LHFPL3: variants seen among roughly 807,000 people sequenced by gnomAD.
LHFPL3 encodes LHFPL tetraspan subfamily member 3.
In LHFPL3, 5 loss-of-function variants were observed where a neutral mutation model predicts 19.3. The ratio of observed to expected loss-of-function variants is 0.26; its 90% CI spans 0.14 to 0.54. The LOEUF is 0.54. LHFPL3 is among the 20% of genes least tolerant of loss of function. LHFPL3 has a pLI of 0.94. For synonymous variants in LHFPL3, 133 were observed against 126.2 expected, an observed-to-expected ratio of 1.05 and a Z score of -0.36; for missense variants, 249 against 307.4, an observed-to-expected ratio of 0.81 and a Z score of 1.42.
intron 2 of LHFPL3, among the ~76,000 whole-genome samples, chr7:104,847,494 G>A (rs1172601038): frequency 6.6e-6 from 1 of 152,146 alleles, no homozygotes; most frequent in Non-Finnish European, 1.5e-5. Context: ...TCCATGGTAA[G>A]TAAATGGCAT....
intron 1 of LHFPL3, among the ~76,000 whole-genome samples, chr7:104,389,263 T>C (rs980491684): frequency 6.6e-6 from 1 of 152,064 alleles, no homozygotes; most frequent in Non-Finnish European, 1.5e-5. Context: ...AAGAAAACAA[T>C]CCCATTTACA....
intron 2 of LHFPL3, among the ~76,000 whole-genome samples, chr7:104,794,463 G>A (rs923551019): frequency 1.3e-5 from 2 of 152,186 alleles, no homozygotes; most frequent in African/African-American, 4.8e-5. Flanking sequence ...GATGTTGATA[G>A]CAAAGAAGTA....
At chr7:104,525,565 C>T (rs1441366418) in intron 1 of LHFPL3, among the ~76,000 whole-genome samples, 1 of 151,558 alleles carries the variant, frequency 6.6e-6, no homozygotes, top group Non-Finnish European at 1.5e-5. Context: ...AATGATCCTC[C>T]AGGTTTCTGT....
Position 104,380,886 on chromosome 7 carries a change from G to A in LHFPL3, c.445+51662G>A, listed in dbSNP as rs1013363113. 2.0e-5 allele frequency among the ~76,000 whole-genome samples: 3 copies of A among 152,082 alleles called. No homozygotes were observed. The East Asian group carries it at 5.8e-4, about 29-fold the overall frequency. On this transcript the variant is annotated intron_variant, in intron 1 of 2. Coordinates refer to ENST00000424859, the MANE Select transcript of LHFPL3 (RefSeq NM_199000.3). The stretch of plus-strand genomic sequence containing the variant: ...AAAAAGCAAGAAAGTAGAATTTACG[G>A]TATAAAAGGAAATCACTGTGAACAT...
chr7:104,524,256 C>T (rs935549335), intron 1 of LHFPL3, among the ~76,000 whole-genome samples: 1 of 152,128 alleles, frequency 6.6e-6, no homozygotes, highest in South Asian at 2.1e-4. Flanking sequence ...ACATACCCAA[C>T]ACAAAACCTT....
intron 1 of LHFPL3, among the ~76,000 whole-genome samples, chr7:104,621,071 A>G (rs1437102396): frequency 6.6e-6 from 1 of 152,240 alleles, no homozygotes; most frequent in African/African-American, 2.4e-5. Flanking sequence ...GGGCAAAATG[A>G]GAACTCAGAT....
At chr7:104,711,491 G>T (rs1006041040) in intron 1 of LHFPL3, among the ~76,000 whole-genome samples, 1 of 152,192 alleles carries the variant, frequency 6.6e-6, no homozygotes, top group African/African-American at 2.4e-5. Context: ...TCCAAGGCAG[G>T]GTGGTGGCCA....
intron 2 of LHFPL3, among the ~76,000 whole-genome samples, chr7:104,862,226 C>G (rs1791630512): frequency 6.6e-6 from 1 of 152,132 alleles, no homozygotes; most frequent in African/African-American, 2.4e-5. Context: ...ATCAGACCCC[C>G]ACCTTTTGCT....
chr7:104,489,952 G>C (rs1332634657), intron 1 of LHFPL3, among the ~76,000 whole-genome samples: 1 of 151,970 alleles, frequency 6.6e-6, no homozygotes, highest in Non-Finnish European at 1.5e-5. Flanking sequence ...TCTAACTGTG[G>C]CCTACTGCAG....
intron 1 of LHFPL3, among the ~76,000 whole-genome samples, chr7:104,395,741 C>A (rs1014238739): frequency 5.3e-5 from 8 of 152,130 alleles, no homozygotes; most frequent in Admixed American, 4.6e-4. Flanking sequence ...ATTTCCTCAG[C>A]CTAGATTTTT....
At chr7:104,735,363 A>C (rs962954171) in intron 1 of LHFPL3, among the ~76,000 whole-genome samples, 2 of 152,206 alleles carry the variant, frequency 1.3e-5, no homozygotes, top group Admixed American at 1.3e-4. Context: ...GGTGGGCTCC[A>C]CCCAGTTCGA....
intron 2 of LHFPL3, among the ~76,000 whole-genome samples, chr7:104,794,998 C>A (rs999866033): frequency 2.6e-5 from 4 of 152,170 alleles, no homozygotes; most frequent in African/African-American, 9.7e-5. Context: ...TGGTTAGCAC[C>A]TGGATAACAG....
At chr7:104,673,979 C>T (rs948694497) in intron 1 of LHFPL3, among the ~76,000 whole-genome samples, 13 of 145,760 alleles carry the variant, frequency 8.9e-5, no homozygotes, top group African/African-American at 3.3e-4. Flanking sequence ...AAAGAATGTT[C>T]AGACCCTTGG....
intron 1 of LHFPL3, among the ~76,000 whole-genome samples, chr7:104,699,678 T>A (rs1223364559): frequency 6.6e-6 from 1 of 152,208 alleles, no homozygotes; most frequent in Non-Finnish European, 1.5e-5. Context: ...GTATACTTAA[T>A]GATTAAAATG....
At chr7:104,349,702 C>T (rs1164218577) in intron 1 of LHFPL3, among the ~76,000 whole-genome samples, 1 of 152,146 alleles carries the variant, frequency 6.6e-6, no homozygotes, top group Admixed American at 6.5e-5. Context: ...GCACATGTAT[C>T]CCCGAACTTA....
rs12538389 is a variant in LHFPL3 at position 104,877,508 on chromosome 7, T to C, written c.683-28679T>C. Among the ~76,000 whole-genome samples, 1,036 of 152,092 alleles carry C rather than the reference T, an allele frequency of 6.8e-3. 25 individuals carry two copies. The highest frequency in any genetic ancestry group is 0.061 in the East Asian group (313 of 5,166). On this transcript the variant is annotated intron_variant, in intron 2 of 2. Coordinates refer to ENST00000424859, the MANE Select transcript of LHFPL3 (RefSeq NM_199000.3). ...AAAATATATACAGATGTCCAATAAA[T>C]ACATGAAAAGATACTCAGCATCAGC...
intron 1 of LHFPL3, among the ~76,000 whole-genome samples, chr7:104,485,684 T>C (rs545244287): frequency 6.6e-6 from 1 of 152,296 alleles, no homozygotes; most frequent in South Asian, 2.1e-4. Flanking sequence ...GTTTGTTACA[T>C]AGGTATACAT....
intron 2 of LHFPL3, among the ~76,000 whole-genome samples, chr7:104,857,257 T>C (rs961543345): frequency 1.1e-4 from 1 of 8,904 alleles, no homozygotes; most frequent in Non-Finnish European, 2.1e-4. Context: ...TTCCTTTCCA[T>C]AATAAGGCGG....
At chr7:104,735,342 C>A (rs1793789615) in intron 1 of LHFPL3, among the ~76,000 whole-genome samples, 1 of 152,246 alleles carries the variant, frequency 6.6e-6, no homozygotes. Context: ...AGGCAGGCCT[C>A]CTTGAGCTGC....
Sources: allele counts gnomAD v4.1 joint callset (sites outside exome capture counted in the v4.1 genomes callset), GRCh38; gene constraint gnomAD v4.1.1; transcripts MANE v1.5; gene names NCBI Gene and HGNC (gene_info 2026-07-23, HGNC 2026-07-21).